The following EMSY variants were observed in gnomAD, a reference collection of about 807,000 sequenced individuals.
The protein encoded by EMSY is EMSY transcriptional repressor, BRCA2 interacting, also known as BRCA2-interacting transcriptional repressor EMSY.
EMSY carries 26 observed loss-of-function variants against 134.6 expected under a neutral mutation model. That is an observed-to-expected ratio of 0.19 (90% confidence interval 0.14 to 0.27). EMSY has a LOEUF of 0.27. EMSY is among the 10% of genes least tolerant of loss of function. The pLI is 1.00. For synonymous variants in EMSY, 579 were observed against 577.8 expected, an observed-to-expected ratio of 1.00 and a Z score of -0.03; for missense variants, 1,305 against 1,611.4, an observed-to-expected ratio of 0.81 and a Z score of 3.26.
intron 8 of EMSY, among the ~76,000 whole-genome samples, chr11:76,494,200 G>A (rs1949537390): frequency 6.6e-6 from 1 of 152,252 alleles, no homozygotes; most frequent in Non-Finnish European, 1.5e-5. Context: ...GGTAGCACGA[G>A]CCAAGCACCG....
At chr11:76,491,364 T>C (rs1281469047) in intron 8 of EMSY, among the ~76,000 whole-genome samples, 1 of 151,984 alleles carries the variant, frequency 6.6e-6, no homozygotes, top group Non-Finnish European at 1.5e-5. Context: ...TTTTTGTTTG[T>C]AGAGACAGGG....
chr11:76,505,478 T>C (rs1271427885), intron 9 of EMSY, among the ~76,000 whole-genome samples: 2 of 146,978 alleles, frequency 1.4e-5, no homozygotes, highest in Admixed American at 7.1e-5. Context: ...AAATATACAA[T>C]AGCGTGATAA....
intron 18 of EMSY, among the ~76,000 whole-genome samples, chr11:76,542,745 C>CGTTTTTT (rs199877807): frequency 0.35 from 45,701 of 128,796 alleles, 7,077 homozygotes; most frequent in African/African-American, 0.4. Flanking sequence ...GTTTGTTTTT[C>CGTTTTTT]GTTTTTTGTT....
At chr11:76,536,405 T>C (rs2136548741) in intron 15 of EMSY, among the ~76,000 whole-genome samples, 1 of 152,332 alleles carries the variant, frequency 6.6e-6, no homozygotes, top group Admixed American at 6.5e-5. Context: ...CAAGGCTAGA[T>C]ACAGTACAGT....
At chr11:76,496,518 G>GT (rs1339988969) in intron 9 of EMSY, 49 bp downstream of exon 10, 1 of 1,595,230 alleles carries the variant, frequency 6.3e-7, no homozygotes, top group Admixed American at 1.7e-5. Flanking sequence ...TTATTCACCA[G>GT]TTTTTTTAGT....
chr11:76,480,618 T>C (rs1168038195), intron 8 of EMSY, among the ~76,000 whole-genome samples: 1 of 151,706 alleles, frequency 6.6e-6, no homozygotes, highest in Non-Finnish European at 1.5e-5. Flanking sequence ...CTTGGGGGAG[T>C]TGCTGGCAAG....
At chr11:76,524,963 G>C (rs1193862697) in intron 12 of EMSY, among the ~76,000 whole-genome samples, 1 of 152,218 alleles carries the variant, frequency 6.6e-6, no homozygotes, top group Non-Finnish European at 1.5e-5. Context: ...GTTGCAGTGA[G>C]CTGAGATCTT....
At chr11:76,461,184 T>C (rs1287300294) in intron 6 of EMSY, among the ~76,000 whole-genome samples, 1 of 152,116 alleles carries the variant, frequency 6.6e-6, no homozygotes, top group African/African-American at 2.4e-5. Context: ...AGAATCTTCT[T>C]AAATTTTATT....
chr11:76,546,238 C>T (rs892838352), exon 20 of EMSY: 2 of 1,613,962 alleles, frequency 1.2e-6, no homozygotes, highest in African/African-American at 1.3e-5. Flanking sequence ...CCAGTTCATG[C>T]GTATTCAGAA....
intron 16 of EMSY, among the ~76,000 whole-genome samples, chr11:76,538,644 C>T (rs757688560): frequency 2.1e-4 from 32 of 151,986 alleles, no homozygotes; most frequent in Non-Finnish European, 4.4e-4. Context: ...AAATCCGGTC[C>T]TTTTAATATT....
intron 20 of EMSY, among the ~76,000 whole-genome samples, chr11:76,547,359 G>A (rs1158232085): frequency 1.3e-5 from 2 of 152,178 alleles, no homozygotes; most frequent in Admixed American, 6.5e-5. Context: ...AGTAGAAATG[G>A]CCATTGAATT....
rs186197726 is a variant in EMSY, at chr11:76,527,327, A to G, written c.1995+692A>G. On this transcript the variant is annotated intron_variant, in intron 13 of 20. Coordinates refer to ENST00000334736, the Ensembl canonical transcript of EMSY. ...TCTCAGAATTATAGCCAAATACTTTACGTATCTAAAAAAAAAATAAGCTTT... is the reference window on the plus strand; with the variant it reads ...TCTCAGAATTATAGCCAAATACTTTGCGTATCTAAAAAAAAAATAAGCTTT... Among the ~76,000 whole-genome samples, 779 of 152,230 alleles carry G rather than the reference A, an allele frequency of 5.1e-3. 4 individuals are homozygous for G. The highest frequency in any genetic ancestry group is 0.031 in the Middle Eastern group (9 of 294).
At chr11:76,449,876 G>C (rs1947581538) in intron 2 of EMSY, among the ~76,000 whole-genome samples, 1 of 152,174 alleles carries the variant, frequency 6.6e-6, no homozygotes, top group Non-Finnish European at 1.5e-5. Flanking sequence ...TATTCTCCAT[G>C]ATACCTTGTA....
intron 9 of EMSY, among the ~76,000 whole-genome samples, chr11:76,503,424 A>G (rs1949956535): frequency 6.6e-6 from 1 of 152,160 alleles, no homozygotes; most frequent in African/African-American, 2.4e-5. Flanking sequence ...ATATAGATCA[A>G]TGGAACAGAA....
At chr11:76,511,893 T>C (rs540828834) in intron 9 of EMSY, among the ~76,000 whole-genome samples, 1 of 152,246 alleles carries the variant, frequency 6.6e-6, no homozygotes, top group African/African-American at 2.4e-5. Context: ...AACAACAGCC[T>C]TATGAGGTAT....
At chr11:76,552,147 A>AT (rs1951851301), downstream of EMSY, 1 of 152,194 alleles carries the variant, frequency 6.6e-6, no homozygotes, top group South Asian at 2.1e-4. Context: ...TTAATTCCAA[A>AT]TAGAGCATGC....
chr11:76,492,472 CATAA>C (rs1011057971), intron 8 of EMSY, among the ~76,000 whole-genome samples: 4 of 152,072 alleles, frequency 2.6e-5, no homozygotes, highest in Admixed American at 6.6e-5. Flanking sequence ...GACTCCATCT[CATAA>C]ATAAATAAAT....
rs140427544 is a variant in EMSY at position 76,462,155 on chromosome 11, C to A, written c.572-1666C>A. Among the ~76,000 whole-genome samples, 709 of 152,118 alleles carry A rather than the reference C, an allele frequency of 4.7e-3. 4 individuals carry two copies. Among genetic ancestry groups the A allele is most frequent in the African/African-American group, 0.016 (665 of 41,494 alleles). On this transcript the variant is annotated intron_variant, in intron 6 of 20. Transcript: ENST00000334736. The stretch of plus-strand genomic sequence containing the variant: ...TTGGGAGGCTGAGGCAGGAGAATCA[C>A]TTGAATCTGGGAGACGGAGGTTGTG...
chr11:76,534,634 C>T (rs959323729), intron 14 of EMSY, among the ~76,000 whole-genome samples: 1 of 151,912 alleles, frequency 6.6e-6, no homozygotes, highest in South Asian at 2.1e-4. Flanking sequence ...GAGGGTTAAA[C>T]GTTTATTATG....
Sources: allele counts gnomAD v4.1 joint callset (sites outside exome capture counted in the v4.1 genomes callset), GRCh38; gene constraint gnomAD v4.1.1; transcripts MANE v1.5; gene names NCBI Gene and HGNC (gene_info 2026-07-23, HGNC 2026-07-21).